Variants in ZNF704 observed in about 807,000 individuals in gnomAD.
ZNF704 encodes the protein zinc finger protein 704.
In ZNF704, 10 loss-of-function variants were observed where a neutral mutation model predicts 44.7. The ratio of observed to expected loss-of-function variants is 0.22; its 90% CI spans 0.14 to 0.38. The LOEUF (loss-of-function observed/expected upper bound fraction) is 0.38, where lower values mean the gene tolerates loss of function less well. Among genes scored for constraint, ZNF704 ranks in the 10% least tolerant of loss-of-function variants. The probability of loss-of-function intolerance (pLI) is 1.00; values close to 1 mark genes in which losing one functional copy is unlikely to be tolerated. For missense variants in ZNF704, 390 were observed against 545.5 expected, an observed-to-expected ratio of 0.71 and a Z score of 2.84; for synonymous variants, 211 against 207.6, an observed-to-expected ratio of 1.02 and a Z score of -0.14.
intron 2 of ZNF704, among the ~76,000 whole-genome samples, chr8:80,800,543 G>A (rs1807881999): frequency 6.6e-6 from 1 of 152,130 alleles, no homozygotes; most frequent in South Asian, 2.1e-4. Context: ...AACCCAGAAT[G>A]TCACATCCGG....
chr8:80,743,089 C>A (rs1050599250), intron 2 of ZNF704, among the ~76,000 whole-genome samples: 5 of 149,638 alleles, frequency 3.3e-5, no homozygotes, highest in African/African-American at 1.2e-4. Flanking sequence ...GAACAATGAT[C>A]GGGATATAAA....
chr8:80,775,775 A>G, intron 2 of ZNF704, among the ~76,000 whole-genome samples: 1 of 152,222 alleles, frequency 6.6e-6, no homozygotes, highest in South Asian at 2.1e-4. Flanking sequence ...ACAACTCCAG[A>G]GTGAAATGGC....
At chr8:80,830,753 CTTTTTT>C (rs772059759) in intron 1 of ZNF704, among the ~76,000 whole-genome samples, 8 of 89,120 alleles carry the variant, frequency 9.0e-5, no homozygotes, top group African/African-American at 3.7e-4. Flanking sequence ...GTGTTTCTTT[CTTTTTT>C]TTTTTTTTTT....
At chr8:80,677,740 A>G (rs922393185) in intron 4 of ZNF704, among the ~76,000 whole-genome samples, 2 of 152,090 alleles carry the variant, frequency 1.3e-5, no homozygotes, top group African/African-American at 4.8e-5. Flanking sequence ...TGGCTCAATA[A>G]ATATTTGTTA....
Position 80,634,004 on chromosome 8 carries a change from T to A in ZNF704, c.*7362A>T, listed in dbSNP as rs1817627800. The A allele has an allele frequency of 6.6e-6, 1 of 152,252 alleles. No individual in the cohort carries two copies. The highest frequency in any genetic ancestry group is 1.5e-5 in the Non-Finnish European group (1 of 68,060). 9.4% of individuals were successfully genotyped at this position (152,252 alleles called of 1,614,324 possible). A position where few individuals can be genotyped will look rare whatever the true frequency, so the allele number is the denominator to read the frequency against. On this transcript the variant is annotated 3_prime_UTR_variant, in exon 9 of 9. Transcript: ENST00000327835. ...GTTCTGAAGCAAGGCTTCTGCTGTA[T>A]CAGAGGTGAAGCAGTGGTAATTTTA...
chr8:80,800,873 G>C (rs1284747395), intron 2 of ZNF704, among the ~76,000 whole-genome samples: 2 of 152,132 alleles, frequency 1.3e-5, no homozygotes, highest in Admixed American at 6.5e-5. Context: ...TGGCAAGCTA[G>C]ATAAGGAGCC....
chr8:80,848,601 T>C (rs1488527801), intron 1 of ZNF704, among the ~76,000 whole-genome samples: 2 of 152,070 alleles, frequency 1.3e-5, no homozygotes, highest in African/African-American at 4.8e-5. Context: ...TCCCAGCACT[T>C]TGGGGGGCCA....
chr8:80,795,298 T>A (rs1807779632), intron 2 of ZNF704, among the ~76,000 whole-genome samples: 1 of 152,204 alleles, frequency 6.6e-6, no homozygotes, highest in Admixed American at 6.5e-5. Context: ...AAAATGGCAC[T>A]GTAACTTGTA....
At chr8:80,853,693 G>A (rs114892282) in intron 1 of ZNF704, among the ~76,000 whole-genome samples, 241 of 152,314 alleles carry the variant, frequency 1.6e-3, no homozygotes, top group African/African-American at 5.5e-3. Flanking sequence ...TCATCAGAGA[G>A]TGTCTGTATA....
intron 2 of ZNF704, among the ~76,000 whole-genome samples, chr8:80,727,596 G>A (rs1274345951): frequency 1.5e-4 from 23 of 152,200 alleles, no homozygotes; most frequent in Admixed American, 1.5e-3. Context: ...GCAGGGGGTG[G>A]ATGGAGCGGG....
intron 2 of ZNF704, among the ~76,000 whole-genome samples, chr8:80,788,173 A>C (rs1807646060): frequency 6.6e-6 from 1 of 152,212 alleles, no homozygotes; most frequent in Admixed American, 6.5e-5. Context: ...TACTTTTATA[A>C]ACAAAAAGGT....
intron 4 of ZNF704, among the ~76,000 whole-genome samples, chr8:80,674,238 C>T (rs1818326053): frequency 1.3e-5 from 2 of 152,090 alleles, no homozygotes; most frequent in East Asian, 3.9e-4. Context: ...GATTTAAATC[C>T]CACCTTCAAA....
chr8:80,879,636 C>T (rs575984936), upstream of ZNF704, among the ~76,000 whole-genome samples: 3 of 152,092 alleles, frequency 2.0e-5, no homozygotes, highest in Non-Finnish European at 2.9e-5. Context: ...GTTGGGAATA[C>T]AGAAATTATA....
intron 2 of ZNF704, among the ~76,000 whole-genome samples, chr8:80,753,466 G>C (rs747477633): frequency 6.6e-6 from 1 of 152,112 alleles, no homozygotes; most frequent in Non-Finnish European, 1.5e-5. Context: ...AAAAAGGAGG[G>C]GGGACAAGAA....
At chr8:80,774,998 T>C (rs1361304277) in intron 2 of ZNF704, among the ~76,000 whole-genome samples, 4 of 152,188 alleles carry the variant, frequency 2.6e-5, no homozygotes, top group African/African-American at 9.7e-5. Context: ...CTACCTTTCA[T>C]CTTTATATTT....
At chr8:80,845,020 C>T (rs1056812831) in intron 1 of ZNF704, among the ~76,000 whole-genome samples, 2 of 152,020 alleles carry the variant, frequency 1.3e-5, no homozygotes, top group African/African-American at 4.8e-5. Context: ...AGTCTGAGTA[C>T]TTGAGGTGCT....
At position 80,651,833 on chromosome 8, in the gene ZNF704, G is replaced by C. The variant is rs1817924956; in HGVS notation, c.1032+7752C>G. Among the ~76,000 whole-genome samples, 4 of 152,192 alleles carry C rather than the reference G, an allele frequency of 2.6e-5. No individual in the cohort carries two copies. In the South Asian group the frequency reaches 8.3e-4, roughly 32 times the overall value. The stretch of plus-strand genomic sequence containing the variant: ...CAAGTGGACCTAATAGACATCTACA[G>C]AACTCTCCACCCCAAATCAACAGAA... On this transcript the variant is annotated intron_variant, in intron 7 of 8. Coordinates refer to ENST00000327835, the MANE Select transcript of ZNF704 (RefSeq NM_001033723.3).
chr8:80,779,262 C>T (rs1807470175), intron 2 of ZNF704, among the ~76,000 whole-genome samples: 1 of 152,010 alleles, frequency 6.6e-6, no homozygotes, highest in Non-Finnish European at 1.5e-5. Context: ...GTCTTATCTT[C>T]ATTTGTGTAG....
intron 7 of ZNF704, among the ~76,000 whole-genome samples, chr8:80,646,861 T>C (rs977650380): frequency 2.0e-5 from 3 of 152,372 alleles, no homozygotes; most frequent in Non-Finnish European, 4.4e-5. Context: ...TAACAATTCT[T>C]GTAGAACTTA....
Sources: gnomAD v4.1 joint callset for allele counts (sites outside exome capture counted in the v4.1 genomes callset) on GRCh38, gnomAD v4.1.1 for gene constraint, MANE v1.5 for transcripts, NCBI Gene and HGNC (gene_info 2026-07-23, HGNC 2026-07-21) for gene names.